Variants in ERBB4 observed in about 807,000 individuals in gnomAD.
The protein encoded by ERBB4 is receptor tyrosine-protein kinase erbB-4.
ERBB4 carries 42 observed loss-of-function variants against 158.0 expected under a neutral mutation model. The ratio of observed to expected loss-of-function variants is 0.27; its 90% CI spans 0.21 to 0.34. The LOEUF is 0.34. Ranked by LOEUF, ERBB4 falls within the 10% of genes least tolerant of loss-of-function variation. The probability of loss-of-function intolerance (pLI) is 1.00; values close to 1 mark genes in which losing one functional copy is unlikely to be tolerated. For missense variants in ERBB4, 1,333 were observed against 1,624.1 expected, an observed-to-expected ratio of 0.82 and a Z score of 3.08; for synonymous variants, 583 against 558.7, an observed-to-expected ratio of 1.04 and a Z score of -0.61.
Position 211,609,509 on chromosome 2 carries a change from T to C in ERBB4, c.2301+9668A>G, listed in dbSNP as rs148308282. On this transcript the variant is annotated intron_variant, in intron 19 of 27. Coordinates refer to ENST00000342788, the MANE Select transcript of ERBB4 (RefSeq NM_005235.3). ...GAATGGACAATTTTCCCTGTATCTT[T>C]GGGTCTTCATTAAATACATTTTAAA... 1.7e-3 allele frequency among the ~76,000 whole-genome samples: 258 copies of C among 152,312 alleles called. 8 individuals carry two copies. In the East Asian group the frequency reaches 0.042, roughly 25 times the overall value.
intron 3 of ERBB4, among the ~76,000 whole-genome samples, chr2:211,943,750 G>C (rs1229265115): frequency 6.6e-6 from 1 of 152,014 alleles, no homozygotes; most frequent in Non-Finnish European, 1.5e-5. Flanking sequence ...CAGAAAAATA[G>C]GTTTAAATCC....
intron 20 of ERBB4, among the ~76,000 whole-genome samples, chr2:211,433,222 T>C (rs1249345846): frequency 6.6e-6 from 1 of 152,204 alleles, no homozygotes; most frequent in African/African-American, 2.4e-5. Flanking sequence ...TTATATGTCA[T>C]GGTAAAGAAC....
At chr2:211,947,689 A>C in intron 2 of ERBB4, 73 bp from the exon 3 acceptor site, 2 of 1,270,842 alleles carry the variant, frequency 1.6e-6, no homozygotes, top group South Asian at 1.3e-5. Context: ...ATTTAGATTA[A>C]AATGAGTTAT....
chr2:211,813,519 A>T (rs2076807071), intron 3 of ERBB4, among the ~76,000 whole-genome samples: 1 of 152,218 alleles, frequency 6.6e-6, no homozygotes, highest in African/African-American at 2.4e-5. Context: ...CTTTTTTCAA[A>T]GAAATTCCAG....
intron 16 of ERBB4, among the ~76,000 whole-genome samples, chr2:211,635,218 C>T (rs1456483691): frequency 2.0e-5 from 3 of 152,124 alleles, no homozygotes; most frequent in East Asian, 3.8e-4. Flanking sequence ...GATAGTTTAC[C>T]TTATTCTGTG....
At chr2:211,648,220 A>G (rs2070850656) in intron 16 of ERBB4, among the ~76,000 whole-genome samples, 1 of 151,618 alleles carries the variant, frequency 6.6e-6, no homozygotes, top group Non-Finnish European at 1.5e-5. Context: ...AGTCTTCTCC[A>G]TCTCAGTTTA....
chr2:212,291,018 G>A (rs1574612592), intron 1 of ERBB4, among the ~76,000 whole-genome samples: 3 of 152,174 alleles, frequency 2.0e-5, no homozygotes. Context: ...CCATACCTAT[G>A]TATGTTTTCT....
intron 2 of ERBB4, among the ~76,000 whole-genome samples, chr2:211,983,098 G>A (rs2081849369): frequency 6.6e-6 from 1 of 152,218 alleles, no homozygotes; most frequent in East Asian, 1.9e-4. Context: ...ATTGAAGGGT[G>A]TTGAACAAGG....
intron 3 of ERBB4, among the ~76,000 whole-genome samples, chr2:211,837,508 C>T (rs1027108160): frequency 6.6e-6 from 1 of 151,980 alleles, no homozygotes; most frequent in Non-Finnish European, 1.5e-5. Flanking sequence ...AGACATGTAT[C>T]GTAGATTCTC....
intron 19 of ERBB4, 130 bp downstream of exon 19, chr2:211,619,047 A>T (rs1278482394): frequency 4.5e-6 from 3 of 661,532 alleles, no homozygotes; most frequent in Non-Finnish European, 8.1e-6. Context: ...AATGTCTTTA[A>T]TTATAAGATT....
chr2:212,084,355 C>T (rs911359512), intron 2 of ERBB4, among the ~76,000 whole-genome samples: 1 of 151,908 alleles, frequency 6.6e-6, no homozygotes, highest in African/African-American at 2.4e-5. Context: ...CATGAGCAAG[C>T]TATAACGCGC....
chr2:211,900,493 T>G (rs1055315958), intron 3 of ERBB4, among the ~76,000 whole-genome samples: 1 of 152,028 alleles, frequency 6.6e-6, no homozygotes, highest in African/African-American at 2.4e-5. Context: ...AAAAAAAGGT[T>G]CCTGTTTGCA....
intron 3 of ERBB4, among the ~76,000 whole-genome samples, chr2:211,856,157 A>G (rs1375046604): frequency 5.3e-5 from 8 of 152,288 alleles, no homozygotes; most frequent in South Asian, 2.1e-4. Context: ...AAAATATTTC[A>G]GTTTTAACCT....
intron 3 of ERBB4, among the ~76,000 whole-genome samples, chr2:211,856,239 T>C (rs970654527): frequency 5.3e-5 from 8 of 152,162 alleles, no homozygotes; most frequent in Admixed American, 5.2e-4. Flanking sequence ...GAAGTCCTCA[T>C]AGGTTACTTA....
chr2:212,455,637 A>C (rs1560374079), intron 1 of ERBB4, among the ~76,000 whole-genome samples: 2 of 152,174 alleles, frequency 1.3e-5, no homozygotes, highest in Non-Finnish European at 2.9e-5. Context: ...GAGATTTTGA[A>C]TAAAACTTAC....
intron 22 of ERBB4, among the ~76,000 whole-genome samples, chr2:211,425,102 G>C (rs1274642958): frequency 6.6e-6 from 1 of 151,960 alleles, no homozygotes; most frequent in Non-Finnish European, 1.5e-5. Context: ...GTAATGTAAT[G>C]ATTATATAAT....
At chr2:212,064,154 T>C (rs2077868934) in intron 2 of ERBB4, among the ~76,000 whole-genome samples, 1 of 151,818 alleles carries the variant, frequency 6.6e-6, no homozygotes, top group African/African-American at 2.4e-5. Context: ...GATTCCAGAT[T>C]AGAAAGAAAA....
chr2:212,038,041 C>T (rs962202499), intron 2 of ERBB4, among the ~76,000 whole-genome samples: 3 of 152,008 alleles, frequency 2.0e-5, no homozygotes, highest in Middle Eastern at 3.4e-3. Context: ...CATAACATTC[C>T]ATGTATCATT....
intron 1 of ERBB4, among the ~76,000 whole-genome samples, chr2:212,537,606 G>A (rs972692722): frequency 2.6e-5 from 4 of 152,128 alleles, no homozygotes; most frequent in Non-Finnish European, 5.9e-5. Flanking sequence ...TGACCCGCAG[G>A]CTCGGCAGCC....
Sources: allele counts gnomAD v4.1 joint callset (sites outside exome capture counted in the v4.1 genomes callset), GRCh38; gene constraint gnomAD v4.1.1; transcripts MANE v1.5; gene names NCBI Gene and HGNC (gene_info 2026-07-23, HGNC 2026-07-21).